The following RPS6KC1 variants were observed in gnomAD, a reference collection of about 807,000 sequenced individuals.
RPS6KC1 encodes the protein inactive ribosomal protein S6 kinase delta-1.
Under a neutral mutation model 103.8 loss-of-function variants are expected in RPS6KC1, and 54 were observed. That is an observed-to-expected ratio of 0.52 (90% CI 0.42 to 0.65). RPS6KC1 has a LOEUF of 0.65. Ranked by LOEUF, RPS6KC1 falls within the 30% of genes least tolerant of loss-of-function variation. The pLI, the probability that RPS6KC1 is intolerant of heterozygous loss-of-function variation, is 0.00. For missense variants in RPS6KC1, 1,151 were observed against 1,253.8 expected (o/e 0.92, Z 1.24); for synonymous variants, 439 against 438.7 (o/e 1.00, Z -0.01).
At chr1:213,596,583 C>A in the RPS6KC1 span, among the ~76,000 whole-genome samples, 1 of 152,246 alleles carries the variant, frequency 6.6e-6, no homozygotes, top group Non-Finnish European at 1.5e-5. Flanking sequence ...GAGAACCCTG[C>A]TGCGCAGTAA....
the RPS6KC1 span, among the ~76,000 whole-genome samples, chr1:213,797,171 C>T: frequency 1.6e-4 from 24 of 152,334 alleles, no homozygotes; most frequent in Non-Finnish European, 2.8e-4. Context: ...CCTACATCCT[C>T]AGACTTCCTG....
the RPS6KC1 span, among the ~76,000 whole-genome samples, chr1:213,300,194 C>A: frequency 6.6e-6 from 1 of 152,282 alleles, no homozygotes; most frequent in South Asian, 2.1e-4. Flanking sequence ...AAACACTTTA[C>A]ATTGCTTCAG....
chr1:213,793,495 C>G, the RPS6KC1 span, among the ~76,000 whole-genome samples: 2 of 152,298 alleles, frequency 1.3e-5, no homozygotes, highest in African/African-American at 4.8e-5. Flanking sequence ...AATGTAATCC[C>G]TTAAAACAGG....
intron 12 of RPS6KC1, 26 bp from the exon 13 acceptor site, chr1:213,261,532 A>G (rs1476668139): frequency 1.9e-6 from 3 of 1,603,124 alleles, no homozygotes; most frequent in Non-Finnish European, 2.6e-6. Flanking sequence ...TGGAATTTTA[A>G]TATCAACCTT....
At chr1:213,515,622 G>T in the RPS6KC1 span, among the ~76,000 whole-genome samples, 1 of 152,056 alleles carries the variant, frequency 6.6e-6, no homozygotes, top group African/African-American at 2.4e-5. Flanking sequence ...ATGCTGTTTT[G>T]GTTACTGTAG....
the RPS6KC1 span, among the ~76,000 whole-genome samples, chr1:213,341,719 T>C: frequency 1.3e-5 from 2 of 152,248 alleles, no homozygotes; most frequent in African/African-American, 2.4e-5. Context: ...CATGCTATTA[T>C]TGTCTTTGTC....
the RPS6KC1 span, among the ~76,000 whole-genome samples, chr1:213,814,303 C>A: frequency 6.6e-6 from 1 of 152,224 alleles, no homozygotes; most frequent in East Asian, 1.9e-4. Context: ...GCCTAAATGA[C>A]CAACGGGAGC....
chr1:213,090,450 A>C (rs1011456338), intron 3 of RPS6KC1, among the ~76,000 whole-genome samples: 1 of 152,228 alleles, frequency 6.6e-6, no homozygotes, highest in Non-Finnish European at 1.5e-5. Flanking sequence ...TTAAGATTTA[A>C]AAGGTAGAGT....
the RPS6KC1 span, among the ~76,000 whole-genome samples, chr1:213,760,573 C>T: frequency 2.6e-5 from 4 of 152,180 alleles, no homozygotes; most frequent in African/African-American, 9.7e-5. Context: ...ACATACCACA[C>T]TTCTGTCTAC....
the RPS6KC1 span, among the ~76,000 whole-genome samples, chr1:213,283,879 G>GTT: frequency 7.4e-5 from 11 of 149,138 alleles, no homozygotes; most frequent in Middle Eastern, 6.8e-3. Flanking sequence ...AGTTAGAAAT[G>GTT]TTTTTTTTTT....
the RPS6KC1 span, among the ~76,000 whole-genome samples, chr1:213,790,949 A>G: frequency 2.0e-5 from 3 of 152,224 alleles, no homozygotes; most frequent in East Asian, 5.8e-4. Flanking sequence ...CTCCAACCCC[A>G]TGGCCCATGA....
the RPS6KC1 span, among the ~76,000 whole-genome samples, chr1:213,532,899 A>G: frequency 6.6e-6 from 1 of 152,210 alleles, no homozygotes; most frequent in Non-Finnish European, 1.5e-5. Flanking sequence ...AGCCATGCAA[A>G]GTCTCCAAGA....
Position 213,104,560 on chromosome 1 carries a change from C to CT in RPS6KC1, c.374dup (p.Lys126GlnfsTer6). ...TTTACAATAGTAAACAGCTTGAAGA[C>CT]TTTTTCAAGGTTTGGTAGTCTTTCT... is the stretch of plus-strand genomic sequence containing the variant. On this transcript the variant is annotated frameshift_variant, in exon 4 of 15. Coordinates refer to ENST00000366960, the MANE Select transcript of RPS6KC1 (RefSeq NM_012424.6). LOFTEE classifies it high-confidence loss of function. 1 of 1,570,940 alleles carries CT rather than the reference C, an allele frequency of 6.4e-7. No individual in the cohort carries two copies. The highest frequency in any genetic ancestry group is 8.7e-7 in the Non-Finnish European group (1 of 1,146,496).
intron 6 of RPS6KC1, among the ~76,000 whole-genome samples, chr1:213,147,292 C>T (rs2087989631): frequency 6.6e-6 from 1 of 152,092 alleles, no homozygotes; most frequent in Non-Finnish European, 1.5e-5. Flanking sequence ...TGGAGATTTT[C>T]CCCAATGTTT....
At chr1:213,315,464 A>T in the RPS6KC1 span, among the ~76,000 whole-genome samples, 568 of 152,382 alleles carry the variant, frequency 3.7e-3, 7 homozygotes, top group African/African-American at 0.013. Flanking sequence ...CATAAAACTG[A>T]TGTATTTATC....
chr1:213,421,538 A>G, the RPS6KC1 span, among the ~76,000 whole-genome samples: 3 of 152,244 alleles, frequency 2.0e-5, no homozygotes, highest in East Asian at 1.9e-4. Context: ...TGAGAAAAAC[A>G]TGGGTTTGAC....
chr1:213,638,946 G>A, the RPS6KC1 span, among the ~76,000 whole-genome samples: 5 of 152,020 alleles, frequency 3.3e-5, no homozygotes, highest in African/African-American at 9.7e-5. Context: ...TTTAGGGAAA[G>A]CCAATATCTT....
At chr1:213,361,753 C>T in the RPS6KC1 span, among the ~76,000 whole-genome samples, 2 of 152,248 alleles carry the variant, frequency 1.3e-5, no homozygotes, top group African/African-American at 2.4e-5. Flanking sequence ...CAAAGACGCA[C>T]TCCAGGAATG....
At position 213,211,251 on chromosome 1, in the gene RPS6KC1, TGGCATGA is replaced by T. The variant is rs2093496363; in HGVS notation, c.1045-19244_1045-19238del. On this transcript the variant is annotated intron_variant, in intron 8 of 14. Coordinates refer to ENST00000366960, the MANE Select transcript of RPS6KC1 (RefSeq NM_012424.6). ...TACATGTATTCATTATGGGATTGAA[TGGCATGA>T]GCCGAACTTGGGCCTATAAAACCAG... Among the ~76,000 whole-genome samples the T allele has an allele frequency of 3.3e-5, 5 of 152,284 alleles. 1 individual carries two copies. Among genetic ancestry groups the T allele is most frequent in the Non-Finnish European group, 7.3e-5 (5 of 68,052 alleles).
Sources: allele counts gnomAD v4.1 joint callset (sites outside exome capture counted in the v4.1 genomes callset), GRCh38; gene constraint gnomAD v4.1.1; transcripts MANE v1.5; gene names NCBI Gene and HGNC (gene_info 2026-07-23, HGNC 2026-07-21).